The following NHSL2 variants were observed in gnomAD, a reference collection of about 807,000 sequenced individuals.
The protein encoded by NHSL2 is NHS-like protein 2.
NHSL2 carries 27 observed loss-of-function variants against 53.4 expected under a neutral mutation model. That is an observed-to-expected ratio of 0.51 (90% CI 0.37 to 0.70). The LOEUF (loss-of-function observed/expected upper bound fraction) is 0.70. Ranked by LOEUF, NHSL2 falls within the 30% of genes least tolerant of loss-of-function variation. The pLI is 0.00. For missense variants in NHSL2, 892 were observed against 980.1 expected, an observed-to-expected ratio of 0.91 and a Z score of 1.20; for synonymous variants, 408 against 404.1, an observed-to-expected ratio of 1.01 and a Z score of -0.12.
intron 1 of NHSL2, among the ~76,000 whole-genome samples, chrX:72,103,915 A>G (rs1405042893): frequency 1.8e-5 from 2 of 112,904 alleles, no homozygotes; most frequent in Non-Finnish European, 3.8e-5. Context: ...ATCAGCCAGG[A>G]TGGATGTGGG....
At chrX:71,984,985 G>A (rs1365621859) in intron 1 of NHSL2, among the ~76,000 whole-genome samples, 5 of 110,390 alleles carry the variant, frequency 4.5e-5, no homozygotes, top group Non-Finnish European at 9.5e-5. Flanking sequence ...CACCATGCCC[G>A]GCTAAGTTTT....
intron 1 of NHSL2, among the ~76,000 whole-genome samples, chrX:72,098,512 C>T (rs1296061643): frequency 1.9e-5 from 2 of 105,206 alleles, no homozygotes; most frequent in African/African-American, 7.0e-5. Context: ...ACCCGGGAGA[C>T]GGAGCTTGCA....
intron 1 of NHSL2, among the ~76,000 whole-genome samples, chrX:71,964,032 T>C (rs1248765144): frequency 2.8e-4 from 13 of 46,068 alleles, no homozygotes; most frequent in African/African-American, 6.0e-4. Flanking sequence ...TATGTGTATA[T>C]ATATATATAT....
intron 1 of NHSL2, among the ~76,000 whole-genome samples, chrX:72,125,756 G>T (rs1263922214): frequency 1.8e-5 from 2 of 112,030 alleles, no homozygotes; most frequent in African/African-American, 6.5e-5. Context: ...AGTGCTCACT[G>T]ATGAAGCCCA....
chrX:71,995,658 T>G (rs1033576035), intron 1 of NHSL2, among the ~76,000 whole-genome samples: 1 of 112,248 alleles, frequency 8.9e-6, no homozygotes, highest in African/African-American at 3.2e-5. Flanking sequence ...AAGCTTTCAT[T>G]GACCATCTTA....
chrX:71,916,677 A>AT (rs1303017667), intron 1 of NHSL2, among the ~76,000 whole-genome samples: 1 of 111,786 alleles, frequency 8.9e-6, no homozygotes, highest in Non-Finnish European at 1.9e-5. Context: ...ATACCAGAAG[A>AT]TTCTTCTGCT....
chrX:72,134,975 T>G (rs750523067), intron 4 of NHSL2, among the ~76,000 whole-genome samples: 69 of 112,731 alleles, frequency 6.1e-4, no homozygotes, highest in Non-Finnish European at 1.2e-3. Flanking sequence ...TCCAAAGCCT[T>G]ATGAACTTCT....
Position 71,992,021 on chromosome X carries a change from A to C in NHSL2, c.280+80654A>C, listed in dbSNP as rs763432062. The stretch of plus-strand genomic sequence containing the variant: ...GCCACAGGCAGGCAAGGCACAGCTC[A>C]CTGGGAGATGCTAGACAAACACAGC... On this transcript the variant is annotated intron_variant, in intron 1 of 7. Coordinates refer to ENST00000633930, the MANE Select transcript of NHSL2 (RefSeq NM_001013627.3). Among the ~76,000 whole-genome samples the C allele has an allele frequency of 2.7e-5, 3 of 113,172 alleles. No homozygotes were observed. In the East Asian group the frequency reaches 8.3e-4, roughly 31 times the overall value.
At chrX:72,046,699 G>T (rs2042307766) in intron 1 of NHSL2, among the ~76,000 whole-genome samples, 1 of 109,890 alleles carries the variant, frequency 9.1e-6, no homozygotes, top group Non-Finnish European at 1.9e-5. Context: ...TTCAAGGACG[G>T]ACACTGCAGA....
rs771682428 is a variant in NHSL2, at chrX:71,986,922, A to G, written c.280+75555A>G. Among the ~76,000 whole-genome samples, 15 of 112,577 alleles carry G rather than the reference A, an allele frequency of 1.3e-4. No homozygotes were observed. In the South Asian group the frequency reaches 5.5e-3, roughly 41 times the overall value. ...ATAACTTGCTCAAACCTTCAGCTTTATCTTATCTAACTTAAAACAATCCGT... is the reference window on the plus strand; with the variant it reads ...ATAACTTGCTCAAACCTTCAGCTTTGTCTTATCTAACTTAAAACAATCCGT... On this transcript the variant is annotated intron_variant, in intron 1 of 7. Coordinates refer to ENST00000633930, the MANE Select transcript of NHSL2 (RefSeq NM_001013627.3).
Position 72,151,429 on chromosome X carries a change from C to T in NHSL2, c.*7855C>T, listed in dbSNP as rs1271139691. 8.9e-6 allele frequency: 1 copy of T among 112,121 alleles called. No individual in the cohort carries two copies. The highest frequency in any genetic ancestry group is 1.9e-5 in the Non-Finnish European group (1 of 53,200). 9.2% of individuals were successfully genotyped at this position (112,121 alleles called of 1,213,427 possible). A position where few individuals can be genotyped will look rare whatever the true frequency, so the allele number is the denominator to read the frequency against. ...TTCTGTGAGCTGCCCCATGTGATAA[C>T]TGAGTTGTGCAGTAGCTGATGTGGT... On this transcript the variant is annotated 3_prime_UTR_variant, in exon 8 of 8. Transcript: ENST00000633930.
chrX:71,998,536 G>T (rs184755673), intron 1 of NHSL2, among the ~76,000 whole-genome samples: 1 of 111,858 alleles, frequency 8.9e-6, no homozygotes, highest in Non-Finnish European at 1.9e-5. Context: ...TAAGGCAGGG[G>T]TAAGCTGCTC....
chrX:72,125,557 G>C (rs1039672952), intron 1 of NHSL2, among the ~76,000 whole-genome samples: 1 of 111,967 alleles, frequency 8.9e-6, no homozygotes, highest in African/African-American at 3.3e-5. Flanking sequence ...GGAATCCAGG[G>C]TTCTTTTCCC....
intron 1 of NHSL2, among the ~76,000 whole-genome samples, chrX:72,101,214 C>T (rs1334989106): frequency 9.0e-6 from 1 of 110,562 alleles, no homozygotes; most frequent in East Asian, 2.8e-4. Context: ...TGGTGACAGC[C>T]ATGGCGGCAC....
chrX:72,133,993 T>C, intron 2 of NHSL2, 98 bp from the exon 3 acceptor site: 1 of 893,522 alleles, frequency 1.1e-6, no homozygotes. Flanking sequence ...AAGTCAGGCC[T>C]GGCAGCTAGA....
At chrX:72,095,745 C>T (rs2041938884) in intron 1 of NHSL2, among the ~76,000 whole-genome samples, 1 of 111,987 alleles carries the variant, frequency 8.9e-6, no homozygotes, top group African/African-American at 3.3e-5. Context: ...CCCCCATAGA[C>T]CTGGATTTCA....
intron 1 of NHSL2, among the ~76,000 whole-genome samples, chrX:72,072,255 T>A (rs997660379): frequency 3.6e-5 from 4 of 112,655 alleles, no homozygotes; most frequent in African/African-American, 1.3e-4. Context: ...CATATTTTTT[T>A]AAATTAGGGT....
At chrX:72,032,756 G>A (rs1390169815) in intron 1 of NHSL2, among the ~76,000 whole-genome samples, 1 of 111,170 alleles carries the variant, frequency 9.0e-6, no homozygotes, top group Non-Finnish European at 1.9e-5. Flanking sequence ...CTCCTCGGGA[G>A]GCTGAGGCAG....
At chrX:71,939,551 C>T (rs775460329) in intron 1 of NHSL2, among the ~76,000 whole-genome samples, 24 of 111,468 alleles carry the variant, frequency 2.2e-4, no homozygotes, top group Non-Finnish European at 3.0e-4. Context: ...AGGTTTCTGG[C>T]CTAGACAACT....
Sources: gnomAD v4.1 joint callset for allele counts (sites outside exome capture counted in the v4.1 genomes callset) on GRCh38, gnomAD v4.1.1 for gene constraint, MANE v1.5 for transcripts, NCBI Gene and HGNC (gene_info 2026-07-23, HGNC 2026-07-21) for gene names.